ARHGAP40: variants seen among roughly 807,000 people sequenced by gnomAD.
ARHGAP40 encodes the protein Rho GTPase activating protein 40.
ARHGAP40 carries 43 observed loss-of-function variants against 73.5 expected under a neutral mutation model. The observed-to-expected ratio is 0.58, with a 90% CI of 0.46 to 0.75. The LOEUF (loss-of-function observed/expected upper bound fraction) is 0.75, where lower values mean the gene tolerates loss of function less well. Ranked by LOEUF, ARHGAP40 falls within the 30% of genes least tolerant of loss-of-function variation. The pLI is 0.00. For missense variants in ARHGAP40, 734 were observed against 861.8 expected (o/e 0.85, Z 1.86); for synonymous variants, 300 against 352.8 (o/e 0.85, Z 1.68).
chr20:38,629,616 G>C, exon 5 of ARHGAP40: 1 of 1,305,428 alleles, frequency 7.7e-7, no homozygotes, highest in Non-Finnish European at 1.0e-6. Context: ...CCATCCCGGG[G>C]AGGCACCTCT....
intron 14 of ARHGAP40, among the ~76,000 whole-genome samples, 158 bp from the exon 15 acceptor site, chr20:38,649,599 C>T (rs549408676): frequency 7.2e-5 from 11 of 152,308 alleles, no homozygotes; most frequent in African/African-American, 2.2e-4. Context: ...CTTCCCTCAG[C>T]GGAGCTCAGT....
intron 1 of ARHGAP40, among the ~76,000 whole-genome samples, chr20:38,617,534 G>C (rs767396522): frequency 2.6e-5 from 4 of 152,170 alleles, no homozygotes; most frequent in Non-Finnish European, 5.9e-5. Flanking sequence ...AGGGGAGCTT[G>C]GATGGGAGCC....
exon 15 of ARHGAP40, chr20:38,649,921 A>G: frequency 1.8e-6 from 2 of 1,116,232 alleles, no homozygotes; most frequent in South Asian, 2.6e-5. Context: ...TGTACCCAGC[A>G]TGAGAACAAA....
intron 9 of ARHGAP40, among the ~76,000 whole-genome samples, chr20:38,640,150 C>G (rs1354122408): frequency 7.4e-6 from 1 of 134,234 alleles, no homozygotes. Flanking sequence ...CTTTCTTCTT[C>G]CTCTTCTTTC....
chr20:38,635,305 A>G (rs1385450212), intron 6 of ARHGAP40, among the ~76,000 whole-genome samples: 1 of 152,214 alleles, frequency 6.6e-6, no homozygotes, highest in Non-Finnish European at 1.5e-5. Flanking sequence ...ATAATTCAGA[A>G]AAGCACTTTT....
rs780933586 is a variant in ARHGAP40, at chr20:38,633,436, C to T, written c.784-1184C>T. On this transcript the variant is annotated intron_variant, in intron 5 of 14. Transcript: ENST00000373345. ...AAAAAGTAGTAGTAAGTATTGAGTA[C>T]TCACTATGTGTCGGGCACCATGTTT... Among the ~76,000 whole-genome samples the T allele has an allele frequency of 3.3e-5, 5 of 152,170 alleles. No homozygotes were observed. The South Asian group carries it at 8.3e-4, about 25-fold the overall frequency.
chr20:38,639,468 G>C (rs1466507155), intron 9 of ARHGAP40, 82 bp downstream of exon 9: 7 of 1,251,454 alleles, frequency 5.6e-6, no homozygotes, highest in Non-Finnish European at 7.3e-6. Flanking sequence ...GCCATGCAAA[G>C]GCAGGACTCC....
intron 1 of ARHGAP40, among the ~76,000 whole-genome samples, chr20:38,608,821 G>T (rs1204855815): frequency 6.6e-6 from 1 of 152,138 alleles, no homozygotes; most frequent in African/African-American, 2.4e-5. Flanking sequence ...CAAGGTGTCG[G>T]TAGGACTGTG....
chr20:38,612,218 A>G (rs1446945668), intron 1 of ARHGAP40, among the ~76,000 whole-genome samples: 2 of 152,322 alleles, frequency 1.3e-5, no homozygotes, highest in Admixed American at 1.3e-4. Context: ...GCAATCTCTG[A>G]TAGGATGCTA....
Position 38,646,156 on chromosome 20 carries a change from A to G in ARHGAP40, c.1679A>G (p.Asp560Gly), listed in dbSNP as rs1466752847. The change falls in exon 12 of 15, where the codon GAC (aspartate) becomes GGC (glycine). Residue 560 changes from aspartate (D) to glycine (G), a missense_variant. By Grantham distance (94) the Asp-to-Gly change is moderately conservative. Transcript: ENST00000373345. This position sits in a 1 kb window ranked among gnomAD's most constrained non-coding sequence, Gnocchi z 4.5. ...ACTTGGCTGCGGAGGATGCACGCAG[A>G]CAGGGACAAGGCGGGGGACGGCCTC... 4.6e-6 allele frequency: 6 copies of G among 1,303,808 alleles called. No individual in the cohort carries two copies. The highest frequency in any genetic ancestry group is 6.1e-6 in the Non-Finnish European group (6 of 988,690). 80.8% of individuals were successfully genotyped at this position (1,303,808 alleles called of 1,614,324 possible).
At chr20:38,634,520 C>G in intron 5 of ARHGAP40, 100 bp from the exon 6 acceptor site, 1 of 1,103,884 alleles carries the variant, frequency 9.1e-7, no homozygotes, top group Non-Finnish European at 1.2e-6. Flanking sequence ...CCACGCTGCT[C>G]TTCCTTCTGC....
intron 11 of ARHGAP40, among the ~76,000 whole-genome samples, chr20:38,644,162 G>T (rs899075878): frequency 6.6e-6 from 1 of 152,116 alleles, no homozygotes; most frequent in Non-Finnish European, 1.5e-5. Flanking sequence ...GATTGCAGGA[G>T]TTCCCCCAAC....
chr20:38,647,893 G>A (rs1234816194), intron 13 of ARHGAP40, among the ~76,000 whole-genome samples: 1 of 152,240 alleles, frequency 6.6e-6, no homozygotes, highest in Non-Finnish European at 1.5e-5. Flanking sequence ...TGTCATCTGG[G>A]AGCGAGGTGA....
intron 1 of ARHGAP40, among the ~76,000 whole-genome samples, chr20:38,610,038 G>A (rs933594555): frequency 2.0e-5 from 3 of 152,240 alleles, no homozygotes; most frequent in African/African-American, 7.2e-5. Context: ...GTGTAACCAT[G>A]GCAACCAGCC....
intron 3 of ARHGAP40, among the ~76,000 whole-genome samples, chr20:38,628,118 C>T (rs569368999): frequency 1.6e-4 from 25 of 152,272 alleles, no homozygotes; most frequent in African/African-American, 5.1e-4. Flanking sequence ...AGCAGTTCTG[C>T]CTTTTAATTA....
At chr20:38,629,608 A>G (rs1475347790) in exon 5 of ARHGAP40, 1 of 1,305,410 alleles carries the variant, frequency 7.7e-7, no homozygotes, top group South Asian at 1.2e-5. Flanking sequence ...GGAGCAGGCC[A>G]TCCCGGGGAG....
chr20:38,626,591 C>T (rs1163857360), intron 2 of ARHGAP40, among the ~76,000 whole-genome samples: 1 of 152,198 alleles, frequency 6.6e-6, no homozygotes, highest in Non-Finnish European at 1.5e-5. Context: ...CCCAAAGGGA[C>T]ATCAACACCC....
chr20:38,639,149 C>G, intron 8 of ARHGAP40, 78 bp from the exon 9 acceptor site: 1 of 1,269,482 alleles, frequency 7.9e-7, no homozygotes, highest in Non-Finnish European at 1.0e-6. Flanking sequence ...ATGAGGAAAC[C>G]AAGCCCCAGA....
intron 1 of ARHGAP40, 117 bp downstream of exon 1, chr20:38,602,196 G>A: frequency 3.4e-6 from 4 of 1,162,444 alleles, no homozygotes; most frequent in South Asian, 3.1e-5. Context: ...TACAGATGAG[G>A]AAACAGAGGC....
Sources: allele counts gnomAD v4.1 joint callset (sites outside exome capture counted in the v4.1 genomes callset), GRCh38; gene constraint gnomAD v4.1.1; non-coding constraint Gnocchi (gnomAD v3.1); transcripts MANE v1.5; gene names NCBI Gene and HGNC (gene_info 2026-07-23, HGNC 2026-07-21).